Variants in WFDC1 observed in about 807,000 individuals in gnomAD.
The protein encoded by WFDC1 is WAP four-disulfide core domain protein 1.
WFDC1 carries 39 observed loss-of-function variants against 32.9 expected under a neutral mutation model. That is an observed-to-expected ratio of 1.19 (90% CI 0.92 to 1.55). The LOEUF is 1.55. Among genes scored for constraint, WFDC1 ranks in the 40% most tolerant of loss-of-function variants. The probability of loss-of-function intolerance (pLI) is 0.00; values close to 1 mark genes in which losing one functional copy is unlikely to be tolerated. For missense variants in WFDC1, 386 were observed against 309.5 expected, an observed-to-expected ratio of 1.25 and a Z score of -1.85; for synonymous variants, 184 against 137.4, an observed-to-expected ratio of 1.34 and a Z score of -2.37.
At position 84,323,320 on chromosome 16, in the gene WFDC1, T is replaced by C. The variant is rs138657068; in HGVS notation, c.563-1099T>C. Among the ~76,000 whole-genome samples, 69 of 152,312 alleles carry C rather than the reference T, an allele frequency of 4.5e-4. No homozygotes were observed. In the East Asian group the frequency reaches 0.01, roughly 23 times the overall value. On this transcript the variant is annotated intron_variant, in intron 4 of 6. Transcript: ENST00000219454. ...TGGCTACCGCGCATATGTGCTTGAT[T>C]AACCTTATAGCAGAAAAGGCAGCGC...
At chr16:84,315,699 C>T (rs1907908337) in intron 2 of WFDC1, among the ~76,000 whole-genome samples, 1 of 152,214 alleles carries the variant, frequency 6.6e-6, no homozygotes, top group African/African-American at 2.4e-5. Flanking sequence ...ACCTCTACCC[C>T]AAGTTGTGAC....
At chr16:84,307,608 G>C (rs928960646) in intron 1 of WFDC1, among the ~76,000 whole-genome samples, 5 of 152,170 alleles carry the variant, frequency 3.3e-5, no homozygotes, top group African/African-American at 1.2e-4. Flanking sequence ...GGCATTTGTG[G>C]TGGGTGAAAA....
At chr16:84,296,073 T>G (rs571393265) in intron 1 of WFDC1, among the ~76,000 whole-genome samples, 11 of 152,236 alleles carry the variant, frequency 7.2e-5, no homozygotes, top group Admixed American at 3.9e-4. Flanking sequence ...GAGGCTATCA[T>G]TTTTGGTTCC....
intron 1 of WFDC1, among the ~76,000 whole-genome samples, chr16:84,298,453 T>G (rs1385444213): frequency 6.6e-6 from 1 of 152,214 alleles, no homozygotes; most frequent in East Asian, 1.9e-4. Flanking sequence ...CGTTTTGCTA[T>G]TCTCTTGGCT....
chr16:84,298,878 C>A (rs1441821597), intron 1 of WFDC1, among the ~76,000 whole-genome samples: 3 of 152,200 alleles, frequency 2.0e-5, no homozygotes, highest in Non-Finnish European at 4.4e-5. Context: ...GGTCTCCCGC[C>A]TTCTATCTCT....
At chr16:84,310,118 A>G (rs1384149865) in intron 1 of WFDC1, among the ~76,000 whole-genome samples, 1 of 151,604 alleles carries the variant, frequency 6.6e-6, no homozygotes, top group Non-Finnish European at 1.5e-5. Context: ...CCTCCCTTGA[A>G]GGGGTCGCTC....
At chr16:84,304,352 C>T (rs1165342765) in intron 1 of WFDC1, among the ~76,000 whole-genome samples, 1 of 152,158 alleles carries the variant, frequency 6.6e-6, no homozygotes, top group Admixed American at 6.5e-5. Context: ...CCTCAGCCTC[C>T]TGAATAGCTG....
intron 1 of WFDC1, 145 bp from the exon 2 acceptor site, chr16:84,312,816 C>G (rs1485528385): frequency 2.9e-6 from 1 of 339,894 alleles, no homozygotes; most frequent in East Asian, 8.9e-5. Flanking sequence ...CCCTCCGAGG[C>G]TGGCTCTGCC....
chr16:84,313,083 C>G lies in WFDC1; in HGVS notation c.267C>G (p.Cys89Trp). Residue 89 changes from cysteine to tryptophan, a missense_variant, in exon 2 of 7, where the codon TGC becomes TGG. Coordinates refer to ENST00000219454, the MANE Select transcript of WFDC1 (RefSeq NM_021197.4). Reference protein sequence around the residue: ...QAARCQADSECPRHRRCCYNG... With the variant: ...QAARCQADSEWPRHRRCCYNG... ...CGCGCTGTCAGGCGGACTCCGAGTG[C>G]CCGCGGCACCGGCGCTGCTGCTACA... 7.0e-7 allele frequency: 1 copy of G among 1,425,180 alleles called. No homozygotes were observed. Among genetic ancestry groups the G allele is most frequent in the Non-Finnish European group, 9.1e-7 (1 of 1,094,860 alleles). The allele number at this position is 1,425,180 out of a possible 1,614,324, so 88.3% of individuals were successfully genotyped here.
intron 1 of WFDC1, among the ~76,000 whole-genome samples, chr16:84,303,686 G>A (rs1023236584): frequency 6.6e-6 from 1 of 152,132 alleles, no homozygotes; most frequent in Non-Finnish European, 1.5e-5. Context: ...AAATTCACAT[G>A]ACAGACAATT....
chr16:84,309,206 T>C (rs1907461860), intron 1 of WFDC1, among the ~76,000 whole-genome samples: 1 of 152,014 alleles, frequency 6.6e-6, no homozygotes, highest in African/African-American at 2.4e-5. Context: ...TGCTGGCATG[T>C]AAGGACAAGG....
Position 84,304,101 on chromosome 16 carries a change from G to C in WFDC1, c.145-8860G>C, listed in dbSNP as rs75548741. On this transcript the variant is annotated intron_variant, in intron 1 of 6. Transcript: ENST00000219454. ...TTTTGGTTGCACATCCAGCTTGTTT[G>C]CTTTAATTGAATCTGGACTTGGACT... 8.5e-3 allele frequency among the ~76,000 whole-genome samples: 1,294 copies of C among 152,280 alleles called. 22 individuals carry two copies. Among genetic ancestry groups the C allele is most frequent in the African/African-American group, 0.03 (1,233 of 41,562 alleles).
At chr16:84,305,326 G>A (rs1187965375) in intron 1 of WFDC1, among the ~76,000 whole-genome samples, 1 of 152,230 alleles carries the variant, frequency 6.6e-6, no homozygotes, top group African/African-American at 2.4e-5. Flanking sequence ...CTACTGGGGA[G>A]GGCTGGAGGC....
intron 5 of WFDC1, 29 bp from the exon 6 acceptor site, chr16:84,326,853 A>G: frequency 6.2e-7 from 1 of 1,613,916 alleles, no homozygotes; most frequent in Non-Finnish European, 8.5e-7. Flanking sequence ...AGATACATCT[A>G]CCCCAACAGA....
intron 1 of WFDC1, among the ~76,000 whole-genome samples, chr16:84,306,693 C>T (rs987421182): frequency 2.6e-5 from 4 of 152,118 alleles, no homozygotes; most frequent in African/African-American, 9.7e-5. Context: ...TGCAGATCAG[C>T]GAGTTAATGC....
intron 6 of WFDC1, chr16:84,328,221 C>T (rs114324559): frequency 0.021 from 3,155 of 152,716 alleles, 52 homozygotes; most frequent in African/African-American, 0.05. Context: ...CTGGGGTAGA[C>T]GCAGGAAGGT....
chr16:84,327,069 T>C (rs2151381436), intron 6 of WFDC1, 114 bp downstream of exon 6: 1 of 988,022 alleles, frequency 1.0e-6, no homozygotes, highest in South Asian at 1.4e-5. Flanking sequence ...CTTTCCCTAC[T>C]GGTAGAATTT....
intron 3 of WFDC1, 74 bp from the exon 4 acceptor site, chr16:84,319,357 G>A: frequency 6.4e-7 from 1 of 1,560,884 alleles, no homozygotes; most frequent in Non-Finnish European, 8.7e-7. Context: ...CCGGGAGTCT[G>A]CCTTCTAGAC....
chr16:84,312,850 A>G, intron 1 of WFDC1, 111 bp from the exon 2 acceptor site: 18 of 596,920 alleles, frequency 3.0e-5, no homozygotes, highest in Non-Finnish European at 4.0e-5. Flanking sequence ...TCACAAGAGG[A>G]AACGCAGGCT....
Sources: allele counts gnomAD v4.1 joint callset (sites outside exome capture counted in the v4.1 genomes callset), GRCh38; gene constraint gnomAD v4.1.1; transcripts MANE v1.5; gene names NCBI Gene and HGNC (gene_info 2026-07-23, HGNC 2026-07-21).